The following ACSM1 variants were observed in gnomAD, a reference collection of about 807,000 sequenced individuals.
The protein encoded by ACSM1 is acyl-coenzyme A synthetase ACSM1, mitochondrial.
Under a neutral mutation model 75.8 loss-of-function variants are expected in ACSM1, and 79 were observed. The observed-to-expected ratio is 1.04, with a 90% CI of 0.87 to 1.26. The LOEUF is 1.26. Among genes scored for constraint, ACSM1 ranks in the 50% most tolerant of loss-of-function variants. ACSM1 has a pLI of 0.00. For missense variants in ACSM1, 676 were observed against 720.1 expected (o/e 0.94, Z 0.70); for synonymous variants, 279 against 265.8 (o/e 1.05, Z -0.48).
intron 4 of ACSM1, chr16:20,681,025 T>C (rs1285388481): frequency 6.6e-6 from 1 of 152,126 alleles, no homozygotes; most frequent in African/African-American, 2.4e-5. Flanking sequence ...TCAAAAAGGA[T>C]GTGGACATAG....
intron 3 of ACSM1, among the ~76,000 whole-genome samples, chr16:20,684,731 A>G (rs977455887): frequency 6.6e-6 from 1 of 152,220 alleles, no homozygotes; most frequent in African/African-American, 2.4e-5. Context: ...TTCTTAAATA[A>G]TTCAGTAAGA....
chr16:20,657,330 CAG>C (rs937630008), intron 7 of ACSM1, among the ~76,000 whole-genome samples: 2 of 151,792 alleles, frequency 1.3e-5, no homozygotes, highest in Non-Finnish European at 2.9e-5. Flanking sequence ...TTTTTTCACA[CAG>C]AGTCTCTCTC....
intron 5 of ACSM1, 102 bp from the exon 6 acceptor site, chr16:20,670,088 A>G (rs1187938084): frequency 8.5e-7 from 1 of 1,182,032 alleles, no homozygotes; most frequent in East Asian, 2.5e-5. Context: ...TCTCACTCTC[A>G]GTTCATGTGA....
intron 1 of ACSM1, among the ~76,000 whole-genome samples, chr16:20,695,667 T>C (rs933443329): frequency 6.9e-6 from 1 of 144,296 alleles, no homozygotes; most frequent in Non-Finnish European, 1.5e-5. Context: ...TTACCTATTT[T>C]CTATCTATCT....
At chr16:20,662,446 C>T (rs1023626419) in intron 6 of ACSM1, among the ~76,000 whole-genome samples, 4 of 152,042 alleles carry the variant, frequency 2.6e-5, no homozygotes, top group African/African-American at 7.2e-5. Context: ...TAAGTTGGAG[C>T]CAGGTTATTT....
chr16:20,640,726 T>C (rs1469169699), intron 7 of ACSM1, 142 bp from the exon 8 acceptor site: 1 of 1,397,452 alleles, frequency 7.2e-7, no homozygotes, highest in Non-Finnish European at 9.6e-7. Flanking sequence ...CAGTTGGCCA[T>C]GGCCAAGTGG....
intron 2 of ACSM1, among the ~76,000 whole-genome samples, chr16:20,685,819 C>CGA (rs2079538798): frequency 2.0e-5 from 1 of 50,190 alleles, no homozygotes; most frequent in Non-Finnish European, 3.2e-5. Flanking sequence ...GACTCCGTCT[C>CGA]AAAAAAAAAA....
chr16:20,648,960 CTT>C lies in ACSM1; in HGVS notation c.993-8378_993-8377del, dbSNP rs2018496720. On this transcript the variant is annotated intron_variant, in intron 7 of 13. Transcript: ENST00000520010. The surrounding 1 kb of genome is among the most constrained non-coding windows in gnomAD (Gnocchi z 4.2). ...AAAATAACCTCTAAATTGATTGAGACTTATCTCAGTATTGGTTTGTAGTATGA... is the reference window on the plus strand; with the variant it reads ...AAAATAACCTCTAAATTGATTGAGACATCTCAGTATTGGTTTGTAGTATGA... 6.6e-6 allele frequency among the ~76,000 whole-genome samples: 1 copy of C among 152,200 alleles called. No individual in the cohort carries two copies. Among genetic ancestry groups the C allele is most frequent in the African/African-American group, 2.4e-5 (1 of 41,450 alleles).
chr16:20,661,877 G>A lies in ACSM1; in HGVS notation c.913-4C>T. On this transcript the variant is annotated splice_region_variant and splice_polypyrimidine_tract_variant and intron_variant, in intron 6 of 13. Coordinates refer to ENST00000520010, the MANE Select transcript of ACSM1 (RefSeq NM_001318890.3). Reference sequence around the variant, plus strand: ...TAATGGGGTATTTCAACAATGTCTGGAAAGGGAAGAGAGAAGAAATTTTAT... The same window carrying A: ...TAATGGGGTATTTCAACAATGTCTGAAAAGGGAAGAGAGAAGAAATTTTAT... The A allele has an allele frequency of 2.5e-6, 4 of 1,595,000 alleles. No homozygotes were observed. The highest frequency in any genetic ancestry group is 2.6e-6 in the Non-Finnish European group (3 of 1,164,430).
At chr16:20,682,037 T>C (rs2079456087) in intron 4 of ACSM1, 1 of 486,184 alleles carries the variant, frequency 2.1e-6, no homozygotes, top group Non-Finnish European at 3.7e-6. Context: ...ACTTCTGTAG[T>C]AAGCTTCCCC....
At chr16:20,658,550 T>C (rs938297877) in intron 7 of ACSM1, among the ~76,000 whole-genome samples, 3 of 152,168 alleles carry the variant, frequency 2.0e-5, no homozygotes, top group Admixed American at 6.5e-5. Context: ...TGGCTATAAG[T>C]CTTTTGACTT....
chr16:20,640,674 C>T (rs1391027953), intron 7 of ACSM1, 90 bp from the exon 8 acceptor site: 1 of 1,565,380 alleles, frequency 6.4e-7, no homozygotes, highest in Non-Finnish European at 8.7e-7. Flanking sequence ...ATCATTCATC[C>T]TTCTAGTTCC....
In ACSM1 at chr16:20,682,237, C is replaced by T. The variant is rs1206364701; in HGVS notation, c.611+19G>A. On this transcript the variant is annotated intron_variant, in intron 4 of 13. Coordinates refer to ENST00000520010, the MANE Select transcript of ACSM1 (RefSeq NM_001318890.3). ...AACAACTGTACTCAGAGATTATATT[C>T]ATCAGACCAGAGACTCACTTAACCA... The T allele has an allele frequency of 1.9e-6, 3 of 1,609,726 alleles. No individual in the cohort carries two copies. Among genetic ancestry groups the T allele is most frequent in the Non-Finnish European group, 2.5e-6 (3 of 1,177,798 alleles).
intron 9 of ACSM1, 96 bp from the exon 10 acceptor site, chr16:20,636,936 G>A (rs1407574097): frequency 6.0e-6 from 5 of 838,228 alleles, no homozygotes; most frequent in Admixed American, 2.0e-5. Flanking sequence ...ACACCAGTGT[G>A]GATGAAATAA....
At chr16:20,653,292 A>G (rs1351732611) in intron 7 of ACSM1, among the ~76,000 whole-genome samples, 1 of 152,208 alleles carries the variant, frequency 6.6e-6, no homozygotes, top group Non-Finnish European at 1.5e-5. Flanking sequence ...CCCACAGCAA[A>G]TATCATACTG....
chr16:20,697,596 C>A (rs1389258602), intron 1 of ACSM1, 40 bp downstream of exon 1: 1 of 125,234 alleles, frequency 8.0e-6, no homozygotes, highest in African/African-American at 2.7e-5. Flanking sequence ...CACACACACA[C>A]ACACACACAG....
chr16:20,656,897 C>CAA (rs71377673), intron 7 of ACSM1, among the ~76,000 whole-genome samples: 10,862 of 119,918 alleles, frequency 0.091, 530 homozygotes, highest in East Asian at 0.21. Context: ...GAAGAGGTTA[C>CAA]AAAAAAAAAA....
intron 7 of ACSM1, among the ~76,000 whole-genome samples, chr16:20,653,078 G>A (rs1330239675): frequency 2.0e-5 from 3 of 152,128 alleles, no homozygotes; most frequent in African/African-American, 7.2e-5. Flanking sequence ...CTTCATCCCT[G>A]GGATGCAAGG....
intron 7 of ACSM1, among the ~76,000 whole-genome samples, chr16:20,653,443 A>G (rs1204630731): frequency 6.6e-6 from 1 of 152,222 alleles, no homozygotes; most frequent in Non-Finnish European, 1.5e-5. Flanking sequence ...CTATTCAATT[A>G]GGAAAAGAGG....
Sources: allele counts gnomAD v4.1 joint callset (sites outside exome capture counted in the v4.1 genomes callset), GRCh38; gene constraint gnomAD v4.1.1; non-coding constraint Gnocchi (gnomAD v3.1); transcripts MANE v1.5; gene names NCBI Gene and HGNC (gene_info 2026-07-23, HGNC 2026-07-21).